ASIC2: variants seen among roughly 807,000 people sequenced by gnomAD.
ASIC2 encodes the protein acid sensing ion channel subunit 2.
In ASIC2, 25 loss-of-function variants were observed where a neutral mutation model predicts 57.3. The observed-to-expected ratio is 0.44, with a 90% CI of 0.32 to 0.61. The LOEUF is 0.61. Ranked by LOEUF, ASIC2 falls within the 20% of genes least tolerant of loss-of-function variation. ASIC2 has a pLI of 0.06. For missense variants in ASIC2, 641 were observed against 738.1 expected (o/e 0.87, Z 1.52); for synonymous variants, 319 against 307.5 (o/e 1.04, Z -0.39).
intron 1 of ASIC2, among the ~76,000 whole-genome samples, chr17:33,971,162 G>A (rs976092784): frequency 1.3e-5 from 2 of 152,200 alleles, no homozygotes; most frequent in African/African-American, 4.8e-5. Context: ...AAATACAGAA[G>A]CCGGCTGAGC....
At position 33,682,041 on chromosome 17, in the gene ASIC2, A is replaced by C. The variant is rs1307924944; in HGVS notation, c.555+473937T>G. 2.7e-5 allele frequency among the ~76,000 whole-genome samples: 4 copies of C among 148,428 alleles called. No homozygotes were observed. In the East Asian group the frequency reaches 8.0e-4, roughly 30 times the overall value. ...CCACAGTCAGGGGCCAGTTCCACAC[A>C]GGATGGCATCAGTGACATCTTTTTT... On this transcript the variant is annotated intron_variant, in intron 1 of 9. Transcript: ENST00000359872.
rs1230660709 is a variant in ASIC2 at position 33,114,991 on chromosome 17, GC to G, written c.709-2925del. The stretch of plus-strand genomic sequence containing the variant: ...TTGAGCAGATACAGTGGGAATGGAA[GC>G]CTCATGAATTGAAGGCTTTCCCTGT... On this transcript the variant is annotated intron_variant, in intron 1 of 9. Transcript: ENST00000225823. 7.2e-5 allele frequency among the ~76,000 whole-genome samples: 11 copies of G among 152,202 alleles called. No homozygotes were observed. The South Asian group carries it at 1.7e-3, about 23-fold the overall frequency.
At chr17:33,452,017 A>T (rs1468370881) in intron 1 of ASIC2, among the ~76,000 whole-genome samples, 1 of 152,242 alleles carries the variant, frequency 6.6e-6, no homozygotes, top group African/African-American at 2.4e-5. Flanking sequence ...ATAAGTAAAT[A>T]CATGAATGAA....
At chr17:33,248,427 G>A (rs1908768418) in intron 1 of ASIC2, among the ~76,000 whole-genome samples, 1 of 152,230 alleles carries the variant, frequency 6.6e-6, no homozygotes, top group African/African-American at 2.4e-5. Context: ...TGATTAATGT[G>A]ATCTTATGGA....
intron 1 of ASIC2, among the ~76,000 whole-genome samples, chr17:33,433,168 A>G (rs1387265946): frequency 6.6e-6 from 1 of 152,230 alleles, no homozygotes; most frequent in Non-Finnish European, 1.5e-5. Flanking sequence ...CATCAATAGT[A>G]GACTGGATAA....
chr17:33,514,093 C>T (rs551509053), intron 1 of ASIC2, among the ~76,000 whole-genome samples: 68 of 152,208 alleles, frequency 4.5e-4, no homozygotes, highest in Non-Finnish European at 9.0e-4. Flanking sequence ...AGACAATTCC[C>T]AGCTGTAGGC....
chr17:33,407,680 G>C (rs1910516201), intron 1 of ASIC2, among the ~76,000 whole-genome samples: 1 of 152,198 alleles, frequency 6.6e-6, no homozygotes, highest in Admixed American at 6.5e-5. Context: ...GAAATAATTT[G>C]AGCTTCAGGC....
intron 1 of ASIC2, among the ~76,000 whole-genome samples, chr17:33,254,162 T>G (rs1908977509): frequency 6.6e-6 from 1 of 152,184 alleles, no homozygotes; most frequent in Non-Finnish European, 1.5e-5. Context: ...CTCAGGCAAC[T>G]ATTCCAGAGG....
chr17:33,978,095 C>T (rs570442775), intron 1 of ASIC2, among the ~76,000 whole-genome samples: 14 of 152,284 alleles, frequency 9.2e-5, no homozygotes, highest in Admixed American at 2.0e-4. Context: ...GCTGAGACCA[C>T]GCCAGACCTG....
chr17:33,572,775 G>T (rs1436933756), intron 1 of ASIC2, among the ~76,000 whole-genome samples: 1 of 152,182 alleles, frequency 6.6e-6, no homozygotes, highest in Non-Finnish European at 1.5e-5. Flanking sequence ...AGATCTGCAC[G>T]AAGTGATGGG....
chr17:33,201,779 C>T (rs562384648), intron 1 of ASIC2, among the ~76,000 whole-genome samples: 2 of 152,186 alleles, frequency 1.3e-5, no homozygotes, highest in South Asian at 4.1e-4. Flanking sequence ...CCTGTAATTC[C>T]AGCACTTTGG....
At chr17:33,496,566 T>C (rs1282150411) in intron 1 of ASIC2, among the ~76,000 whole-genome samples, 2 of 146,182 alleles carry the variant, frequency 1.4e-5, no homozygotes, top group African/African-American at 5.1e-5. Context: ...TGGCTTGGAA[T>C]GGGGGTCAAT....
chr17:33,471,759 T>G (rs1204236900), intron 1 of ASIC2, among the ~76,000 whole-genome samples: 1 of 152,210 alleles, frequency 6.6e-6, no homozygotes, highest in Non-Finnish European at 1.5e-5. Flanking sequence ...GTCACATTTC[T>G]TATTTAACCA....
chr17:34,039,013 T>C, intron 1 of ASIC2: 2 of 1,614,184 alleles, frequency 1.2e-6, no homozygotes, highest in Non-Finnish European at 1.7e-6. Flanking sequence ...CATGCTCTTA[T>C]CTCTACACGC....
chr17:33,270,099 G>T (rs1904422488), intron 1 of ASIC2, among the ~76,000 whole-genome samples: 1 of 152,142 alleles, frequency 6.6e-6, no homozygotes, highest in African/African-American at 2.4e-5. Flanking sequence ...TCTACAATGA[G>T]CGATTTTTTT....
intron 1 of ASIC2, among the ~76,000 whole-genome samples, chr17:33,982,440 G>C (rs1185624833): frequency 6.6e-6 from 1 of 152,202 alleles, no homozygotes; most frequent in Non-Finnish European, 1.5e-5. Flanking sequence ...GCAGCTCCAA[G>C]TGGGAGCTTC....
At chr17:33,962,091 C>T (rs1359680160) in intron 1 of ASIC2, among the ~76,000 whole-genome samples, 1 of 152,166 alleles carries the variant, frequency 6.6e-6, no homozygotes, top group Non-Finnish European at 1.5e-5. Flanking sequence ...CTTCTCCCAC[C>T]CCAGAATGCA....
intron 1 of ASIC2, among the ~76,000 whole-genome samples, chr17:33,636,456 C>T (rs1040598554): frequency 2.6e-5 from 4 of 152,132 alleles, no homozygotes; most frequent in East Asian, 1.9e-4. Context: ...TATTGGGCCA[C>T]CTTGTTGTCC....
intron 1 of ASIC2, among the ~76,000 whole-genome samples, chr17:33,221,239 T>C (rs1907681634): frequency 6.6e-6 from 1 of 152,184 alleles, no homozygotes; most frequent in Admixed American, 6.5e-5. Context: ...TTCTGTTTCC[T>C]ACATCTGAGG....
Sources: gnomAD v4.1 joint callset for allele counts (sites outside exome capture counted in the v4.1 genomes callset) on GRCh38, gnomAD v4.1.1 for gene constraint, MANE v1.5 for transcripts, NCBI Gene and HGNC (gene_info 2026-07-23, HGNC 2026-07-21) for gene names.